Variants in ARSG observed in about 807,000 individuals in gnomAD.
ARSG encodes arylsulfatase G.
ARSG carries 37 observed loss-of-function variants against 50.5 expected under a neutral mutation model. The ratio of observed to expected loss-of-function variants is 0.73; its 90% CI spans 0.56 to 0.96. The LOEUF (loss-of-function observed/expected upper bound fraction) is 0.96, where lower values mean the gene tolerates loss of function less well. ARSG is among the 50% of genes least tolerant of loss of function. The probability of loss-of-function intolerance (pLI) is 0.00; values close to 1 mark genes in which losing one functional copy is unlikely to be tolerated. For synonymous variants in ARSG, 225 were observed against 254.6 expected (o/e 0.88, Z 1.11); for missense variants, 629 against 675.3 (o/e 0.93, Z 0.76).
exon 1 of ARSG, chr17:68,259,208 C>G (rs1204497680): frequency 6.6e-6 from 1 of 152,260 alleles, no homozygotes; most frequent in South Asian, 2.1e-4. Flanking sequence ...GCGGGCCCAG[C>G]AGCTGCGAAC....
At chr17:68,421,629 G>C (rs1462738177), downstream of ARSG, 3 of 1,155,872 alleles carry the variant, frequency 2.6e-6, no homozygotes, top group African/African-American at 1.5e-5. Context: ...GAGTTAACCA[G>C]GTCCTGTGGT....
chr17:68,411,430 G>A (rs984495947), intron 11 of ARSG, among the ~76,000 whole-genome samples: 165 of 152,280 alleles, frequency 1.1e-3, no homozygotes, highest in Middle Eastern at 6.8e-3. Flanking sequence ...GTAGTTGAGC[G>A]GTTTTGAGTG....
intron 6 of ARSG, among the ~76,000 whole-genome samples, chr17:68,364,279 T>G (rs2079436226): frequency 6.6e-6 from 1 of 152,138 alleles, no homozygotes; most frequent in African/African-American, 2.4e-5. Context: ...TGTGTTCCCT[T>G]TAGTAATCTC....
At chr17:68,372,491 A>T (rs1461291443) in intron 8 of ARSG, among the ~76,000 whole-genome samples, 1 of 152,184 alleles carries the variant, frequency 6.6e-6, no homozygotes, top group Non-Finnish European at 1.5e-5. Context: ...GGAAGCGTGT[A>T]TGTCCTACAT....
the ARSG span, chr17:68,428,771 G>A: frequency 2.3e-5 from 31 of 1,364,796 alleles, 2 homozygotes; most frequent in African/African-American, 2.7e-4. Flanking sequence ...CTTGGCGAAG[G>A]GACAACTCTA....
chr17:68,415,901 C>T (rs113348838), intron 11 of ARSG, among the ~76,000 whole-genome samples: 17 of 152,196 alleles, frequency 1.1e-4, no homozygotes, highest in East Asian at 9.6e-4. Context: ...TAAATGTATG[C>T]GAGTCCTTAT....
At chr17:68,259,868 C>T (rs1462902466) in intron 1 of ARSG, among the ~76,000 whole-genome samples, 5 of 152,046 alleles carry the variant, frequency 3.3e-5, no homozygotes. Flanking sequence ...AAAATGTACC[C>T]GTGGTATTGA....
At chr17:68,281,324 T>C (rs564562414) in intron 1 of ARSG, among the ~76,000 whole-genome samples, 12 of 152,040 alleles carry the variant, frequency 7.9e-5, no homozygotes, top group Non-Finnish European at 1.8e-4. Context: ...ATCCCAGCAC[T>C]TTGGGAGCCT....
chr17:68,307,679 C>T lies in ARSG; in HGVS notation c.186C>T (p.Ala62=). The change falls in exon 2 of 12, where the codon GCC becomes GCT. Residue 62 remains alanine (A), a synonymous_variant. Transcript: ENST00000621439. The part of the protein sequence containing the change: ...GANWAETKDT[A]NLDKMASEGM... ...ACTGGGCAGAAACAAAGGACACTGCCAACCTTGATAAGATGGCTTCGGAGG... is the reference window on the plus strand; with the variant it reads ...ACTGGGCAGAAACAAAGGACACTGCTAACCTTGATAAGATGGCTTCGGAGG... The T allele has an allele frequency of 3.1e-6, 5 of 1,601,490 alleles. No individual in the cohort carries two copies. The highest frequency in any genetic ancestry group is 4.3e-6 in the Non-Finnish European group (5 of 1,168,568).
intron 1 of ARSG, chr17:68,268,793 T>C: frequency 3.1e-6 from 1 of 327,120 alleles, no homozygotes; most frequent in South Asian, 4.8e-5. Flanking sequence ...AATATCGGAA[T>C]GTGAACCAAA....
At chr17:68,339,369 A>G (rs1351651529) in intron 2 of ARSG, among the ~76,000 whole-genome samples, 1 of 152,256 alleles carries the variant, frequency 6.6e-6, no homozygotes, top group Non-Finnish European at 1.5e-5. Flanking sequence ...CCATATGCCT[A>G]TAATACTGTT....
chr17:68,346,161 C>G (rs2078494067), intron 3 of ARSG, among the ~76,000 whole-genome samples: 1 of 152,108 alleles, frequency 6.6e-6, no homozygotes, highest in Non-Finnish European at 1.5e-5. Flanking sequence ...CAGACATGAG[C>G]CACTCAATTG....
At chr17:68,389,642 T>A (rs72841850) in intron 9 of ARSG, among the ~76,000 whole-genome samples, 2 of 152,022 alleles carry the variant, frequency 1.3e-5, no homozygotes, top group East Asian at 1.9e-4. Flanking sequence ...AGTTCTCTTC[T>A]TGCCTTCATT....
intron 2 of ARSG, among the ~76,000 whole-genome samples, chr17:68,337,269 T>G (rs1409447449): frequency 6.6e-6 from 1 of 152,146 alleles, no homozygotes; most frequent in Non-Finnish European, 1.5e-5. Context: ...GGTCCCCACA[T>G]GAAGTCTGAA....
At chr17:68,447,382 A>G in the ARSG span, among the ~76,000 whole-genome samples, 4 of 152,156 alleles carry the variant, frequency 2.6e-5, no homozygotes, top group African/African-American at 7.2e-5. Context: ...TTAAATTTTT[A>G]AATTTTTATT....
chr17:68,282,311 T>C (rs2075718840), intron 1 of ARSG, among the ~76,000 whole-genome samples: 2 of 151,542 alleles, frequency 1.3e-5, no homozygotes, highest in Non-Finnish European at 2.9e-5. Flanking sequence ...ATGAGAACAC[T>C]TGGACACAGG....
intron 6 of ARSG, chr17:68,359,418 C>G (rs1390048152): frequency 6.6e-6 from 1 of 152,230 alleles, no homozygotes; most frequent in Admixed American, 6.5e-5. Context: ...TCACCCTCCC[C>G]GCCCCCTTCA....
intron 3 of ARSG, among the ~76,000 whole-genome samples, chr17:68,344,410 T>C (rs2078413698): frequency 6.6e-6 from 1 of 152,274 alleles, no homozygotes; most frequent in Admixed American, 6.5e-5. Flanking sequence ...TGGGCATTGC[T>C]GGGAGACCAG....
intron 2 of ARSG, among the ~76,000 whole-genome samples, chr17:68,327,180 T>G (rs2077539580): frequency 6.7e-6 from 1 of 149,112 alleles, no homozygotes; most frequent in Non-Finnish European, 1.5e-5. Context: ...CATGTTGAGC[T>G]GGAGAGTTGA....
Sources: gnomAD v4.1 joint callset for allele counts (sites outside exome capture counted in the v4.1 genomes callset) on GRCh38, gnomAD v4.1.1 for gene constraint, MANE v1.5 for transcripts, NCBI Gene and HGNC (gene_info 2026-07-23, HGNC 2026-07-21) for gene names.